Variants in GRID1 observed in about 807,000 individuals in gnomAD.
GRID1 encodes glutamate receptor ionotropic, delta-1.
A neutral mutation model predicts 98.0 loss-of-function variants in GRID1; 28 were observed. The ratio of observed to expected loss-of-function variants is 0.29; its 90% CI spans 0.21 to 0.39. GRID1 has a LOEUF of 0.39. Among genes scored for constraint, GRID1 ranks in the 10% least tolerant of loss-of-function variants. GRID1 has a pLI of 1.00. For missense variants in GRID1, 1,111 were observed against 1,340.5 expected (o/e 0.83, Z 2.67); for synonymous variants, 553 against 538.5 (o/e 1.03, Z -0.37).
chr10:85,904,704 A>G (rs893704062), intron 5 of GRID1, among the ~76,000 whole-genome samples: 3 of 151,864 alleles, frequency 2.0e-5, no homozygotes, highest in Non-Finnish European at 4.4e-5. Flanking sequence ...CAAAACTACA[A>G]TGTATGAAAT....
intron 12 of GRID1, among the ~76,000 whole-genome samples, chr10:85,698,814 G>A (rs1841421423): frequency 6.6e-6 from 1 of 152,206 alleles, no homozygotes; most frequent in Non-Finnish European, 1.5e-5. Flanking sequence ...AGCATTTGGT[G>A]CTATTGGCGT....
At chr10:86,363,404 C>A (rs977851705) in intron 2 of GRID1, among the ~76,000 whole-genome samples, 1 of 152,232 alleles carries the variant, frequency 6.6e-6, no homozygotes, top group African/African-American at 2.4e-5. Flanking sequence ...AGGAGCGCTG[C>A]AGAGAAGCGC....
intron 12 of GRID1, among the ~76,000 whole-genome samples, chr10:85,694,571 T>C: frequency 1.9e-5 from 1 of 53,628 alleles, no homozygotes; most frequent in East Asian, 5.8e-4. Context: ...TATATATATA[T>C]ATATATATAT....
Position 86,312,625 on chromosome 10 carries a change from C to A in GRID1, c.235+51316G>T, listed in dbSNP as rs945225225. Among the ~76,000 whole-genome samples, 3 of 152,360 alleles carry A rather than the reference C, an allele frequency of 2.0e-5. No homozygotes were observed. In the East Asian group the frequency reaches 5.8e-4, roughly 29 times the overall value. On this transcript the variant is annotated intron_variant, in intron 2 of 15. Coordinates refer to ENST00000327946, the MANE Select transcript of GRID1 (RefSeq NM_017551.3). ...TTGGTTCCAACACTCACTAGTCCTGCGACTTGGGCAAGATGTTCCACCTTT... is the reference window on the plus strand; with the variant it reads ...TTGGTTCCAACACTCACTAGTCCTGAGACTTGGGCAAGATGTTCCACCTTT...
At chr10:85,946,680 G>A (rs1473755789) in intron 4 of GRID1, among the ~76,000 whole-genome samples, 5 of 152,184 alleles carry the variant, frequency 3.3e-5, no homozygotes, top group South Asian at 2.1e-4. Flanking sequence ...CGGGGATTGC[G>A]GGGGGAAGAA....
intron 5 of GRID1, among the ~76,000 whole-genome samples, chr10:85,876,885 A>C (rs1050644490): frequency 1.3e-5 from 2 of 152,182 alleles, no homozygotes; most frequent in Admixed American, 1.3e-4. Context: ...GCACCTGGAA[A>C]ATCGGGTCAC....
chr10:86,184,399 CTG>C (rs890312509), intron 3 of GRID1, among the ~76,000 whole-genome samples: 29 of 147,136 alleles, frequency 2.0e-4, no homozygotes, highest in Middle Eastern at 3.6e-3. Flanking sequence ...ATTCTTGTGT[CTG>C]TAAAGTATTT....
At chr10:85,748,639 A>T (rs1842018439) in intron 8 of GRID1, among the ~76,000 whole-genome samples, 1 of 152,320 alleles carries the variant, frequency 6.6e-6, no homozygotes, top group African/African-American at 2.4e-5. Flanking sequence ...ATTAGAACAC[A>T]TATTAACATT....
intron 12 of GRID1, among the ~76,000 whole-genome samples, chr10:85,674,096 A>T (rs982368915): frequency 3.9e-5 from 6 of 152,094 alleles, no homozygotes; most frequent in African/African-American, 1.4e-4. Context: ...GTAGGTTTAG[A>T]TGTGGCCAGT....
At chr10:86,094,461 C>T (rs1844192013) in intron 4 of GRID1, among the ~76,000 whole-genome samples, 1 of 152,184 alleles carries the variant, frequency 6.6e-6, no homozygotes, top group Non-Finnish European at 1.5e-5. Flanking sequence ...AGGACTCCTC[C>T]AGAAAGCTCC....
At chr10:85,637,454 T>C (rs753353279) in intron 13 of GRID1, among the ~76,000 whole-genome samples, 57 of 152,208 alleles carry the variant, frequency 3.7e-4, no homozygotes, top group Non-Finnish European at 7.3e-4. Context: ...TCAAGGCCTA[T>C]AGAACTCAGG....
chr10:86,205,800 AT>A (rs750249716), intron 3 of GRID1, among the ~76,000 whole-genome samples: 5 of 152,012 alleles, frequency 3.3e-5, no homozygotes, highest in South Asian at 2.1e-4. Flanking sequence ...GCAAATTATG[AT>A]TTTTTTTCAT....
At chr10:86,074,672 AC>A (rs1843855585) in intron 4 of GRID1, among the ~76,000 whole-genome samples, 2 of 152,162 alleles carry the variant, frequency 1.3e-5, no homozygotes, top group Non-Finnish European at 2.9e-5. Flanking sequence ...GGGTCAAGTA[AC>A]CCTTTGATAT....
intron 2 of GRID1, among the ~76,000 whole-genome samples, chr10:86,228,043 G>A (rs1185436936): frequency 6.6e-6 from 1 of 151,948 alleles, no homozygotes; most frequent in East Asian, 1.9e-4. Flanking sequence ...AGGAAAGATG[G>A]TTGAATGCGT....
chr10:85,768,484 GTCCAATGCAAA>G (rs1842219506), intron 8 of GRID1, among the ~76,000 whole-genome samples: 1 of 151,926 alleles, frequency 6.6e-6, no homozygotes. Flanking sequence ...TATTGGCAAT[GTCCAATGCAAA>G]GGGTAATCTC....
At chr10:86,152,274 G>T (rs1204583038) in intron 3 of GRID1, among the ~76,000 whole-genome samples, 1 of 152,208 alleles carries the variant, frequency 6.6e-6, no homozygotes, top group African/African-American at 2.4e-5. Context: ...TTCTGTTTGG[G>T]TATGAGGGGT....
At chr10:85,851,087 C>A (rs534499860) in intron 8 of GRID1, among the ~76,000 whole-genome samples, 2 of 152,280 alleles carry the variant, frequency 1.3e-5, no homozygotes, top group East Asian at 3.9e-4. Flanking sequence ...TTCATGGAAT[C>A]CTCTTTTGGA....
intron 8 of GRID1, among the ~76,000 whole-genome samples, chr10:85,786,477 A>T (rs746993314): frequency 2.9e-4 from 44 of 152,140 alleles, no homozygotes; most frequent in Admixed American, 5.2e-4. Flanking sequence ...CCCTGCAGGC[A>T]TGCCGGACTC....
intron 8 of GRID1, among the ~76,000 whole-genome samples, chr10:85,736,272 G>A (rs1841882978): frequency 6.7e-6 from 1 of 149,306 alleles, no homozygotes; most frequent in African/African-American, 2.5e-5. Flanking sequence ...AGGAGAGAAG[G>A]AGGGAGGAGG....
Sources: allele counts gnomAD v4.1 joint callset (sites outside exome capture counted in the v4.1 genomes callset), GRCh38; gene constraint gnomAD v4.1.1; transcripts MANE v1.5; gene names NCBI Gene and HGNC (gene_info 2026-07-23, HGNC 2026-07-21).